FMO3: variants seen among roughly 807,000 people sequenced by gnomAD.
FMO3 encodes the protein flavin containing dimethylaniline monoxygenase 3.
FMO3 carries 40 observed loss-of-function variants against 39.4 expected under a neutral mutation model. The observed-to-expected ratio is 1.02, with a 90% CI of 0.79 to 1.32. The LOEUF is 1.32. FMO3 is among the 40% of genes most tolerant of loss of function. The pLI is 0.00. For synonymous variants in FMO3, 219 were observed against 228.8 expected (o/e 0.96, Z 0.39); for missense variants, 680 against 651.8 (o/e 1.04, Z -0.47).
At chr1:171,095,730 T>C (rs1473351749) in intron 2 of FMO3, among the ~76,000 whole-genome samples, 1 of 135,144 alleles carries the variant, frequency 7.4e-6, no homozygotes, top group African/African-American at 2.7e-5. Context: ...GGTATGTTTC[T>C]TTTATATATA....
At chr1:171,095,906 G>T (rs796506819) in intron 2 of FMO3, among the ~76,000 whole-genome samples, 3 of 2,460 alleles carry the variant, frequency 1.2e-3, no homozygotes, top group Admixed American at 0.012. Flanking sequence ...ATTATAATAT[G>T]TATAAATATA....
intron 4 of FMO3, 75 bp from the exon 5 acceptor site, chr1:171,108,004 A>T: frequency 2.6e-6 from 4 of 1,522,198 alleles, no homozygotes; most frequent in Non-Finnish European, 3.6e-6. Flanking sequence ...GCATCTATTC[A>T]CAAGGTCGCT....
intron 7 of FMO3, among the ~76,000 whole-genome samples, chr1:171,115,777 G>A (rs1011348112): frequency 2.0e-5 from 3 of 152,080 alleles, no homozygotes; most frequent in African/African-American, 7.2e-5. Context: ...AAGAACTACT[G>A]GCTTCCCATA....
rs1557934169 is a variant in FMO3 at position 171,096,476 on chromosome 1, T to TTTTATATATTAAATACATAATATAC, written c.132+3731_132+3755dup. Among the ~76,000 whole-genome samples the TTTTATATATTAAATACATAATATAC allele has an allele frequency of 1.4e-4, 14 of 98,250 alleles. 1 individual carries two copies. The highest frequency in any genetic ancestry group is 6.1e-4 in the African/African-American group (14 of 22,818). 64.5% of individuals were successfully genotyped at this position (98,250 alleles called of 152,430 possible). On this transcript the variant is annotated intron_variant, in intron 2 of 8. Transcript: ENST00000367755. ...AAATATATATTAAATACATAATATA[T>TTTTATATATTAAATACATAATATAC]TTTATATATTAAATACATAATATAC...
At chr1:171,101,062 A>G (rs1297666543) in intron 2 of FMO3, 1 of 455,850 alleles carries the variant, frequency 2.2e-6, no homozygotes, top group East Asian at 7.0e-5. Flanking sequence ...GCTATGCTCT[A>G]TCTTTGATGA....
chr1:171,099,654 A>G (rs1655270711), intron 2 of FMO3, among the ~76,000 whole-genome samples: 3 of 151,958 alleles, frequency 2.0e-5, no homozygotes, highest in South Asian at 4.2e-4. Flanking sequence ...TGGTGGAGAA[A>G]AGATCCCAAT....
At chr1:171,098,418 A>G (rs1571206779) in intron 2 of FMO3, among the ~76,000 whole-genome samples, 1 of 152,160 alleles carries the variant, frequency 6.6e-6, no homozygotes, top group African/African-American at 2.4e-5. Context: ...CTTCCTATCC[A>G]TGAGCATGGA....
In FMO3 at chr1:171,108,230, C is replaced by T. The variant is rs751413078; in HGVS notation, c.627+9C>T. On this transcript the variant is annotated intron_variant, in intron 5 of 8. Coordinates refer to ENST00000367755, the MANE Select transcript of FMO3 (RefSeq NM_001002294.3). ...GCCGCACAGCAGAACAGGTACTACT[C>T]CCCGGGTACTCGGGTGACTCTCGTT... is the stretch of plus-strand genomic sequence containing the variant. 7 of 1,613,432 alleles carry T rather than the reference C, an allele frequency of 4.3e-6. No homozygotes were observed. The highest frequency in any genetic ancestry group is 2.7e-5 in the African/African-American group (2 of 74,840).
At chr1:171,107,862 G>T (rs187441234) in intron 4 of FMO3, 25 bp downstream of exon 4, 1 of 1,607,894 alleles carries the variant, frequency 6.2e-7, no homozygotes, top group East Asian at 2.2e-5. Context: ...TAAGCTGCTA[G>T]CCACATAACT....
intron 5 of FMO3, among the ~76,000 whole-genome samples, chr1:171,109,880 A>G (rs1313712012): frequency 6.6e-6 from 1 of 152,080 alleles, no homozygotes; most frequent in Non-Finnish European, 1.5e-5. Context: ...CTTATAACAA[A>G]TGCCTTGAAG....
At chr1:171,096,049 A>AATATATCATATATATT (rs1654995338) in intron 2 of FMO3, among the ~76,000 whole-genome samples, 1 of 47,438 alleles carries the variant, frequency 2.1e-5, no homozygotes, top group African/African-American at 1.8e-4. Flanking sequence ...ATTATATATA[A>AATATATCATATATATT]ATATATAATA....
rs1189923751 is a variant in FMO3 at position 171,095,646 on chromosome 1, ATTC to A, written c.132+2859_132+2861del. Reference sequence around the variant, plus strand: ...AAATATTATAAAGACATGAGATATCATTCTTATTAATATAGATATTTTGCAGAC... The same window carrying A: ...AAATATTATAAAGACATGAGATATCATTATTAATATAGATATTTTGCAGAC... On this transcript the variant is annotated intron_variant, in intron 2 of 8. Coordinates refer to ENST00000367755, the MANE Select transcript of FMO3 (RefSeq NM_001002294.3). Among the ~76,000 whole-genome samples, 14 of 149,254 alleles carry A rather than the reference ATTC, an allele frequency of 9.4e-5. No homozygotes were observed. The Admixed American group carries it at 9.7e-4, about 10-fold the overall frequency.
chr1:171,106,554 T>C (rs1206017525), intron 3 of FMO3, among the ~76,000 whole-genome samples: 1 of 152,234 alleles, frequency 6.6e-6, no homozygotes, highest in African/African-American at 2.4e-5. Flanking sequence ...AAGATAAGAA[T>C]TCCTAATTAC....
chr1:171,107,228 T>G (rs1033385484), intron 3 of FMO3, among the ~76,000 whole-genome samples: 4 of 152,178 alleles, frequency 2.6e-5, no homozygotes, highest in African/African-American at 9.7e-5. Context: ...AAATTTGAAT[T>G]TAATAGTTTT....
At chr1:171,112,436 A>T (rs1262774977) in intron 6 of FMO3, among the ~76,000 whole-genome samples, 1 of 152,146 alleles carries the variant, frequency 6.6e-6, no homozygotes, top group Non-Finnish European at 1.5e-5. Flanking sequence ...GTTGGTCTGG[A>T]CCAAAATTGT....
At chr1:171,094,043 G>T (rs1036853151) in intron 2 of FMO3, among the ~76,000 whole-genome samples, 2 of 151,618 alleles carry the variant, frequency 1.3e-5, no homozygotes, top group Non-Finnish European at 2.9e-5. Context: ...TGACAAAGCT[G>T]GTCTCAAACT....
At chr1:171,099,058 C>T (rs2101902328) in intron 2 of FMO3, among the ~76,000 whole-genome samples, 1 of 152,260 alleles carries the variant, frequency 6.6e-6, no homozygotes, top group South Asian at 2.1e-4. Flanking sequence ...TCCCTCTACA[C>T]ACTGCTTTAA....
rs1418694053 is a variant in FMO3 at position 171,096,052 on chromosome 1, A to G, written c.132+3262A>G. ...TATATAATATATATTATATATAAATATATAATATATATTATATATTAATAT... is the reference window on the plus strand; with the variant it reads ...TATATAATATATATTATATATAAATGTATAATATATATTATATATTAATAT... On this transcript the variant is annotated intron_variant, in intron 2 of 8. Transcript: ENST00000367755. 2.7e-3 allele frequency among the ~76,000 whole-genome samples: 140 copies of G among 50,994 alleles called. 6 individuals carry two copies. The highest frequency in any genetic ancestry group is 0.019 in the African/African-American group (132 of 6,980). The allele number at this position is 50,994 out of a possible 152,430, so 33.5% of individuals were successfully genotyped here. A position where few individuals can be genotyped will look rare whatever the true frequency, so the allele number is the denominator to read the frequency against.
chr1:171,117,066 GTA>G (rs1656188921), intron 8 of FMO3, 32 bp from the exon 9 acceptor site: 1 of 1,491,432 alleles, frequency 6.7e-7, no homozygotes, highest in East Asian at 2.3e-5. Flanking sequence ...CAGAGTTTGG[GTA>G]TCCACAGTGG....
Sources: gnomAD v4.1 joint callset for allele counts (sites outside exome capture counted in the v4.1 genomes callset) on GRCh38, gnomAD v4.1.1 for gene constraint, MANE v1.5 for transcripts, NCBI Gene and HGNC (gene_info 2026-07-23, HGNC 2026-07-21) for gene names.